CACNA1I: variants seen among roughly 807,000 people sequenced by gnomAD.
CACNA1I encodes voltage-dependent T-type calcium channel subunit alpha-1I.
A neutral mutation model predicts 201.6 loss-of-function variants in CACNA1I; 74 were observed. The observed-to-expected ratio is 0.37, with a 90% confidence interval of 0.30 to 0.45. The LOEUF (loss-of-function observed/expected upper bound fraction) is 0.45, where lower values mean the gene tolerates loss of function less well. Ranked by LOEUF, CACNA1I falls within the 20% of genes least tolerant of loss-of-function variation. The pLI is 1.00. For synonymous variants in CACNA1I, 1,431 were observed against 1,345.2 expected (o/e 1.06, Z -1.40); for missense variants, 2,346 against 3,138.1 (o/e 0.75, Z 6.03).
intron 1 of CACNA1I, among the ~76,000 whole-genome samples, chr22:39,573,793 T>A (rs1932259671): frequency 1.3e-5 from 2 of 152,240 alleles, no homozygotes; most frequent in South Asian, 4.1e-4. Flanking sequence ...GGCCTGGGGT[T>A]GGAGACAACA....
chr22:39,677,804 A>C lies in CACNA1I; in HGVS notation c.4934-183A>C, dbSNP rs577979775. ...GCGGGGAGCAGAGCCAGACTCACCC[A>C]AACCTGAGCCCCAGCTCATGTGCCA... On this transcript the variant is annotated intron_variant, in intron 30 of 36. Transcript: ENST00000402142. The surrounding 1 kb of genome is among the most constrained non-coding windows in gnomAD (Gnocchi z 4.8). Among the ~76,000 whole-genome samples the C allele has an allele frequency of 2.6e-5, 4 of 152,260 alleles. No individual in the cohort carries two copies. In the South Asian group the frequency reaches 8.3e-4, roughly 32 times the overall value.
chr22:39,606,137 G>A (rs1738055237), intron 3 of CACNA1I, among the ~76,000 whole-genome samples: 1 of 152,164 alleles, frequency 6.6e-6, no homozygotes, highest in Admixed American at 6.5e-5. Flanking sequence ...CTCTGTCCCT[G>A]GCAGGAGAAC....
At chr22:39,681,371 C>T (rs898993162) in intron 34 of CACNA1I, among the ~76,000 whole-genome samples, 1 of 152,190 alleles carries the variant, frequency 6.6e-6, no homozygotes, top group South Asian at 2.1e-4. Flanking sequence ...GAGGCTGAAG[C>T]GAACGGGGGA....
At position 39,679,283 on chromosome 22, in the gene CACNA1I, C is replaced by T. The variant is rs369092716; in HGVS notation, c.5232C>T (p.Ala1744=). Residue 1744 remains alanine, a synonymous_variant, in exon 32 of 37, where the codon GCC becomes GCT. Coordinates refer to ENST00000402142, the MANE Select transcript of CACNA1I (RefSeq NM_021096.4). Reference sequence around the variant, plus strand: ...GCAACAAGGAGGCGCAGGAGGACGCCGAGATGGATGCCGAGCTCGAGCTGG... The same window carrying T: ...GCAACAAGGAGGCGCAGGAGGACGCTGAGATGGATGCCGAGCTCGAGCTGG... ...DDSNKEAQED[A]EMDAELELEM... 591 of 1,574,064 alleles carry T rather than the reference C, an allele frequency of 3.8e-4. 4 individuals carry two copies. In the South Asian group the frequency reaches 3.9e-3, roughly 10 times the overall value.
intron 3 of CACNA1I, 78 bp from the exon 4 acceptor site, chr22:39,619,232 C>A (rs1933653706): frequency 9.2e-7 from 1 of 1,088,546 alleles, no homozygotes; most frequent in Non-Finnish European, 1.4e-6. Context: ...GCGCAGGTGG[C>A]TGGAGAATGC....
chr22:39,686,168 C>G lies in CACNA1I; in HGVS notation c.6435C>G (p.Pro2145=). The change falls in exon 37 of 37, where the codon CCC becomes CCG. Residue 2145 remains proline (P), a synonymous_variant. Transcript: ENST00000402142. ...LFCPPPPPPA[P]GLTPARKFSS... is the part of the protein sequence containing the mutation. Reference sequence around the variant, plus strand: ...GCCCGCCGCCCCCGCCGCCAGCCCCCGGCCTCACGCCCGCCAGGAAGTTCA... The same window carrying G: ...GCCCGCCGCCCCCGCCGCCAGCCCCGGGCCTCACGCCCGCCAGGAAGTTCA... The G allele has an allele frequency of 3.1e-6, 4 of 1,287,862 alleles. No homozygotes were observed. The highest frequency in any genetic ancestry group is 2.4e-5 in the South Asian group (1 of 41,236). 79.8% of individuals were successfully genotyped at this position (1,287,862 alleles called of 1,614,324 possible). A position where few individuals can be genotyped will look rare whatever the true frequency, so the allele number is the denominator to read the frequency against.
chr22:39,608,956 C>G (rs548559214), intron 3 of CACNA1I, among the ~76,000 whole-genome samples: 1 of 152,296 alleles, frequency 6.6e-6, no homozygotes, highest in Admixed American at 6.5e-5. Context: ...TTCCTCAGCT[C>G]TGGGCTAGGG....
chr22:39,583,443 C>T (rs1932648750), intron 1 of CACNA1I, among the ~76,000 whole-genome samples: 2 of 151,528 alleles, frequency 1.3e-5, no homozygotes, highest in Admixed American at 6.6e-5. Context: ...CATCCATCCA[C>T]CCGCCCACCC....
At chr22:39,643,932 G>T (rs1464269685) in intron 7 of CACNA1I, among the ~76,000 whole-genome samples, 1 of 152,232 alleles carries the variant, frequency 6.6e-6, no homozygotes, top group African/African-American at 2.4e-5. Context: ...TGTCCTCGAG[G>T]AGCTCACAGG....
At chr22:39,660,547 C>A (rs530634195) in intron 15 of CACNA1I, 110 bp downstream of exon 15, 3 of 642,106 alleles carry the variant, frequency 4.7e-6, no homozygotes, top group Non-Finnish European at 5.3e-6. Flanking sequence ...TCAGGGACTG[C>A]TACTTATCTA....
At chr22:39,590,722 T>C (rs56676030) in intron 1 of CACNA1I, among the ~76,000 whole-genome samples, 2,746 of 152,364 alleles carry the variant, frequency 0.018, 73 homozygotes, top group African/African-American at 0.063. Flanking sequence ...AACCACCTCC[T>C]GTGGCCTTAG....
At position 39,659,900 on chromosome 22, in the gene CACNA1I, G is replaced by T. The variant is rs759284149; in HGVS notation, c.2604+48G>T. ...AAGCACCCCCACAGGGTCTGCGAAA[G>T]ACTGGGCGAGGGAGAGGTGGCCTGG... is the stretch of plus-strand genomic sequence containing the variant. On this transcript the variant is annotated intron_variant, in intron 14 of 36. Transcript: ENST00000402142. This position sits in a 1 kb window ranked among gnomAD's most constrained non-coding sequence, Gnocchi z 4.3. 6.2e-7 allele frequency: 1 copy of T among 1,609,674 alleles called. No individual in the cohort carries two copies. The highest frequency in any genetic ancestry group is 8.5e-7 in the Non-Finnish European group (1 of 1,176,760).
rs1190527039 is a variant in CACNA1I at position 39,684,100 on chromosome 22, G to A, written c.5831-202G>A. 6.6e-6 allele frequency among the ~76,000 whole-genome samples: 1 copy of A among 152,192 alleles called. No homozygotes were observed. The highest frequency in any genetic ancestry group is 1.5e-5 in the Non-Finnish European group (1 of 68,046). ...GGCCCCCGCCCCCTGGAATCAAAAG[G>A]GCTGCTTCAGGATTTCTCTCTTGCT... is the stretch of plus-strand genomic sequence containing the variant. On this transcript the variant is annotated intron_variant, in intron 35 of 36. Transcript: ENST00000402142. This position sits in a 1 kb window ranked among gnomAD's most constrained non-coding sequence, Gnocchi z 4.6.
chr22:39,673,391 A>G (rs2084188643), intron 28 of CACNA1I, among the ~76,000 whole-genome samples: 2 of 152,180 alleles, frequency 1.3e-5, no homozygotes, highest in Admixed American at 6.5e-5. Flanking sequence ...AGTGTGATGC[A>G]AGGAACCCAG....
In CACNA1I at chr22:39,676,063, G is replaced by C. The variant is rs1028167701; in HGVS notation, c.4855-1278G>C. On this transcript the variant is annotated intron_variant, in intron 29 of 36. Transcript: ENST00000402142. The surrounding 1 kb of genome is among the most constrained non-coding windows in gnomAD (Gnocchi z 4.8). ...GGAGGAGAATGGATTGGAGGGAGAG[G>C]CTGGAGGCAGGGAAGCTGGTGAGGA... is the stretch of plus-strand genomic sequence containing the variant. Among the ~76,000 whole-genome samples, 10 of 152,198 alleles carry C rather than the reference G, an allele frequency of 6.6e-5. No individual in the cohort carries two copies. Among genetic ancestry groups the C allele is most frequent in the African/African-American group, 1.7e-4 (7 of 41,450 alleles).
Position 39,662,221 on chromosome 22 carries a change from ACCG to A in CACNA1I, c.3162_3164del (p.Arg1055del), listed in dbSNP as rs748087598. ...CATCTGGCGCACCGCCACCGCCACC[ACCG>A]CCGGACGCTGTCCCTCGACAACAGG... On this transcript the variant is annotated inframe_deletion, in exon 17 of 37. Transcript: ENST00000402142. 101 of 1,526,830 alleles carry A rather than the reference ACCG, an allele frequency of 6.6e-5. No individual in the cohort carries two copies. The highest frequency in any genetic ancestry group is 8.5e-5 in the Non-Finnish European group (97 of 1,141,326). The allele number at this position is 1,526,830 out of a possible 1,614,324, so 94.6% of individuals were successfully genotyped here. A position where few individuals can be genotyped will look rare whatever the true frequency, so the allele number is the denominator to read the frequency against.
chr22:39,661,106 A>G lies in CACNA1I; in HGVS notation c.2699-2A>G. ...CCCTCTGTCTCCATCTCACTCCTCC[A>G]GATCCCAAGCTCTGCCCAATCCCCA... On this transcript the variant is annotated splice_acceptor_variant, in intron 15 of 36. Transcript: ENST00000402142. LOFTEE classifies it high-confidence loss of function. 1 of 1,612,598 alleles carries G rather than the reference A, an allele frequency of 6.2e-7. No homozygotes were observed. The highest frequency in any genetic ancestry group is 1.3e-5 in the African/African-American group (1 of 74,954).
intron 4 of CACNA1I, among the ~76,000 whole-genome samples, chr22:39,623,783 GGTGT>G (rs977542517): frequency 4.0e-5 from 6 of 149,838 alleles, no homozygotes; most frequent in African/African-American, 7.4e-5. Context: ...TGCCTGTGGG[GGTGT>G]GTATGTCTGT....
chr22:39,662,493 G>A (rs1274094378), intron 17 of CACNA1I, 58 bp downstream of exon 17: 2 of 1,269,236 alleles, frequency 1.6e-6, no homozygotes, highest in Non-Finnish European at 2.1e-6. Context: ...AGAAGTGGGT[G>A]CGGCCCCAGG....
Sources: allele counts gnomAD v4.1 joint callset (sites outside exome capture counted in the v4.1 genomes callset), GRCh38; gene constraint gnomAD v4.1.1; non-coding constraint Gnocchi (gnomAD v3.1); transcripts MANE v1.5; gene names NCBI Gene and HGNC (gene_info 2026-07-23, HGNC 2026-07-21).